The following NFXL1 variants were observed in gnomAD, a reference collection of about 807,000 sequenced individuals.
NFXL1 encodes nuclear transcription factor, X-box binding like 1.
A neutral mutation model predicts 123.3 loss-of-function variants in NFXL1; 66 were observed. The observed-to-expected ratio is 0.54, with a 90% confidence interval of 0.44 to 0.66. The LOEUF is 0.66. NFXL1 is among the 30% of genes least tolerant of loss of function. The pLI, the probability that NFXL1 is intolerant of heterozygous loss-of-function variation, is 0.00. For missense variants in NFXL1, 944 were observed against 1,125.6 expected, an observed-to-expected ratio of 0.84 and a Z score of 2.31; for synonymous variants, 346 against 360.8, an observed-to-expected ratio of 0.96 and a Z score of 0.46.
chr4:47,854,870 G>A (rs1460973087), intron 20 of NFXL1, among the ~76,000 whole-genome samples, 189 bp downstream of exon 20: 1 of 141,538 alleles, frequency 7.1e-6, no homozygotes, highest in African/African-American at 2.6e-5. Context: ...TAAAATAAAT[G>A]TTTAAAGAAC....
chr4:47,862,347 CA>C (rs1282088318), intron 19 of NFXL1, among the ~76,000 whole-genome samples: 3 of 152,140 alleles, frequency 2.0e-5, no homozygotes. Flanking sequence ...GGTACCAACA[CA>C]AAAGGCCACA....
rs558169311 is a variant in NFXL1, at chr4:47,914,485, G to A, written c.-123C>T. On this transcript the variant is annotated 5_prime_UTR_variant, in exon 1 of 23. Coordinates refer to ENST00000507489, the MANE Select transcript of NFXL1 (RefSeq NM_001278624.2). ...ACAGTGCCGAAGACAGAAAGCCGGA[G>A]GAGAAGTCGAAACCGCCTCCTCAGC... 1.3e-5 allele frequency: 5 copies of A among 371,270 alleles called. No homozygotes were observed. Among genetic ancestry groups the A allele is most frequent in the Admixed American group, 1.3e-4 (3 of 23,154 alleles). 23.0% of individuals were successfully genotyped at this position (371,270 alleles called of 1,614,324 possible).
Position 47,905,242 on chromosome 4 carries a change from G to C in NFXL1, c.511C>G (p.Gln171Glu). 6.9e-7 allele frequency: 1 copy of C among 1,442,136 alleles called. No individual in the cohort carries two copies. Among genetic ancestry groups the C allele is most frequent in the African/African-American group, 1.4e-5 (1 of 71,474 alleles). The allele number at this position is 1,442,136 out of a possible 1,614,324, so 89.3% of individuals were successfully genotyped here. A position where few individuals can be genotyped will look rare whatever the true frequency, so the allele number is the denominator to read the frequency against. ...LICIASVKRN[Q>E]AVWSCSGCFC... is the part of the protein sequence containing the mutation. The stretch of plus-strand genomic sequence containing the variant: ...AAATAAGGAGAAAAACTTACTGCTT[G>C]GTTTCTCTTCACCGAAGCAATACAA... The change falls in exon 4 of 23, where the codon CAA becomes GAA. Residue 171 changes from glutamine to glutamate, a missense_variant. This residue lies in a region of NFXL1 where 303 missense variants were observed against 292.1 expected (regional missense o/e 1.04). Transcript: ENST00000507489.
intron 19 of NFXL1, among the ~76,000 whole-genome samples, chr4:47,858,534 G>C (rs987546373): frequency 2.6e-5 from 4 of 152,160 alleles, no homozygotes; most frequent in Admixed American, 6.5e-5. Context: ...TTATACAATG[G>C]AATCAGTGGA....
intron 12 of NFXL1, among the ~76,000 whole-genome samples, chr4:47,887,708 C>T (rs892831081): frequency 1.3e-5 from 2 of 152,134 alleles, no homozygotes; most frequent in South Asian, 2.1e-4. Context: ...AGCAGAGGAA[C>T]CTTTTTGTTA....
At chr4:47,876,283 C>T (rs1040666571) in intron 17 of NFXL1, among the ~76,000 whole-genome samples, 4 of 151,930 alleles carry the variant, frequency 2.6e-5, no homozygotes, top group African/African-American at 4.8e-5. Context: ...ATAATGTCTT[C>T]GTAACTACTC....
At position 47,890,723 on chromosome 4, in the gene NFXL1, T is replaced by C; in HGVS notation, c.1453-20A>G. 1.4e-6 allele frequency: 2 copies of C among 1,440,810 alleles called. No homozygotes were observed. Among genetic ancestry groups the C allele is most frequent in the Non-Finnish European group, 2.0e-6 (2 of 1,023,878 alleles). 89.3% of individuals were successfully genotyped at this position (1,440,810 alleles called of 1,614,324 possible). A position where few individuals can be genotyped will look rare whatever the true frequency, so the allele number is the denominator to read the frequency against. On this transcript the variant is annotated intron_variant, in intron 11 of 22. Coordinates refer to ENST00000507489, the MANE Select transcript of NFXL1 (RefSeq NM_001278624.2). ...GCAACACTGAAGAGAAAGCAATATATAAAGAACAGGTAATTCAAAAACCCA... is the reference window on the plus strand; with the variant it reads ...GCAACACTGAAGAGAAAGCAATATACAAAGAACAGGTAATTCAAAAACCCA...
At position 47,910,972 on chromosome 4, in the gene NFXL1, A is replaced by C. The variant is rs1386386920; in HGVS notation, c.258T>G (p.Phe86Leu). 1.9e-6 allele frequency: 3 copies of C among 1,600,776 alleles called. No individual in the cohort carries two copies. The Admixed American group carries it at 5.2e-5, about 28-fold the overall frequency. ...CTTGGTTAGCTTTCTTGATTTCTTC[A>C]AATTTTTTCTGAGACATTAGCTCTG... ...AASELMSQKK[F>L]EEIKKANQAA... Residue 86 changes from phenylalanine to leucine, a missense_variant, in exon 3 of 23, where the codon TTT (phenylalanine) becomes TTG (leucine). Physicochemically the swap from Phe to Leu is conservative, Grantham distance 22. Around this residue, in one of 4 missense-constraint regions of NFXL1, gnomAD observed 303 missense variants for 292.1 expected, o/e 1.04. Coordinates refer to ENST00000507489, the MANE Select transcript of NFXL1 (RefSeq NM_001278624.2).
At chr4:47,849,622 AC>A (rs1734005478) in intron 22 of NFXL1, among the ~76,000 whole-genome samples, 1 of 152,190 alleles carries the variant, frequency 6.6e-6, no homozygotes, top group African/African-American at 2.4e-5. Flanking sequence ...CATATAAAAA[AC>A]GTCAAAATAT....
intron 20 of NFXL1, among the ~76,000 whole-genome samples, chr4:47,853,759 C>T (rs1734256433): frequency 6.6e-6 from 1 of 152,078 alleles, no homozygotes; most frequent in Non-Finnish European, 1.5e-5. Flanking sequence ...CGAGACTGAA[C>T]AAGCAGGCAA....
chr4:47,899,529 A>G lies in NFXL1; in HGVS notation c.667T>C (p.Tyr223His). Residue 223 changes from tyrosine to histidine, a missense_variant, in exon 6 of 23, where the codon TAC (tyrosine) becomes CAC (histidine). This residue lies in a region of NFXL1 where 303 missense variants were observed against 292.1 expected (regional missense o/e 1.04). Coordinates refer to ENST00000507489, the MANE Select transcript of NFXL1 (RefSeq NM_001278624.2). ...CTACTAGGTGTTTCAGATCGTTTGT[A>G]TTCAAACCTACATTTTGGACTACAA... ...PWPCPKCRFE[Y>H]KRSETPSRYY... is the part of the protein sequence containing the mutation. 6.2e-7 allele frequency: 1 copy of G among 1,611,164 alleles called. No individual in the cohort carries two copies. The highest frequency in any genetic ancestry group is 8.5e-7 in the Non-Finnish European group (1 of 1,177,726).
In NFXL1 at chr4:47,910,927, A is replaced by C. The variant is rs1229145981; in HGVS notation, c.303T>G (p.Val101=). ...CAGATGAAGAGCTAAACTGTTCTTCAACAAGTTTTCTGGCTGCAGCTTGGT... is the reference window on the plus strand; with the variant it reads ...CAGATGAAGAGCTAAACTGTTCTTCCACAAGTTTTCTGGCTGCAGCTTGGT... The part of the protein sequence containing the change: ...KANQAAARKL[V]EEQFSSSSEE... Residue 101 remains valine (V), a synonymous_variant, in exon 3 of 23, where the codon GTT becomes GTG. Coordinates refer to ENST00000507489, the MANE Select transcript of NFXL1 (RefSeq NM_001278624.2). 3 of 1,608,982 alleles carry C rather than the reference A, an allele frequency of 1.9e-6. No homozygotes were observed. Among genetic ancestry groups the C allele is most frequent in the Non-Finnish European group, 2.5e-6 (3 of 1,177,736 alleles).
intron 2 of NFXL1, among the ~76,000 whole-genome samples, chr4:47,913,128 T>C (rs1737925924): frequency 6.6e-6 from 1 of 151,996 alleles, no homozygotes; most frequent in South Asian, 2.1e-4. Flanking sequence ...CCTTTCAAAT[T>C]AGCCTAGGAG....
chr4:47,868,975 T>C (rs1578001732), intron 18 of NFXL1, among the ~76,000 whole-genome samples: 1 of 152,154 alleles, frequency 6.6e-6, no homozygotes, highest in Admixed American at 6.5e-5. Context: ...AATCTCAACA[T>C]TTTAGGAAGC....
intron 1 of NFXL1, 55 bp from the exon 2 acceptor site, chr4:47,914,260 C>A: frequency 7.5e-7 from 1 of 1,337,320 alleles, no homozygotes; most frequent in South Asian, 1.5e-5. Context: ...CAGCGAGGAC[C>A]GAGGCGAAGG....
At chr4:47,848,618 G>C (rs1312593788) in intron 22 of NFXL1, among the ~76,000 whole-genome samples, 1 of 152,158 alleles carries the variant, frequency 6.6e-6, no homozygotes, top group South Asian at 2.1e-4. Flanking sequence ...GGCCGGGCAC[G>C]GTGGCTCACG....
intron 22 of NFXL1, among the ~76,000 whole-genome samples, chr4:47,850,608 T>A (rs4695286): frequency 6.6e-6 from 1 of 151,978 alleles, no homozygotes; most frequent in East Asian, 1.9e-4. Flanking sequence ...CAGGTTATAA[T>A]CCCGCATTTA....
chr4:47,890,699 C>A lies in NFXL1; in HGVS notation c.1457G>T (p.Cys486Phe). Residue 486 changes from cysteine to phenylalanine, a missense_variant, in exon 12 of 23, where the codon TGC becomes TTC. By Grantham distance (205) the Cys-to-Phe change is radical. Coordinates refer to ENST00000507489, the MANE Select transcript of NFXL1 (RefSeq NM_001278624.2). Reference sequence around the variant, plus strand: ...ATCACAAGGTGGACAGTTTCCAGGGCAACACTGAAGAGAAAGCAATATATA... The same window carrying A: ...ATCACAAGGTGGACAGTTTCCAGGGAAACACTGAAGAGAAAGCAATATATA... ...CQKHQCRRKC[C>F]PGNCPPCDQN... The A allele has an allele frequency of 6.3e-7, 1 of 1,597,782 alleles. No individual in the cohort carries two copies. Among genetic ancestry groups the A allele is most frequent in the Non-Finnish European group, 8.6e-7 (1 of 1,165,770 alleles).
chr4:47,884,955 C>T (rs1736335731), intron 14 of NFXL1, among the ~76,000 whole-genome samples: 1 of 151,640 alleles, frequency 6.6e-6, no homozygotes. Context: ...GCTGAAACCC[C>T]ATCTCTACTA....
Sources: allele counts gnomAD v4.1 joint callset (sites outside exome capture counted in the v4.1 genomes callset), GRCh38; gene constraint gnomAD v4.1.1; regional missense constraint gnomAD v4.1.1; transcripts MANE v1.5; gene names NCBI Gene and HGNC (gene_info 2026-07-23, HGNC 2026-07-21).